Variants in ONECUT1 observed in about 807,000 individuals in gnomAD.
The protein encoded by ONECUT1 is hepatocyte nuclear factor 6.
In ONECUT1, 12 loss-of-function variants were observed where a neutral mutation model predicts 25.6. The ratio of observed to expected loss-of-function variants is 0.47; its 90% CI spans 0.30 to 0.76. The LOEUF is 0.76. ONECUT1 is among the 30% of genes least tolerant of loss of function. The pLI is 0.07. For missense variants in ONECUT1, 620 were observed against 651.2 expected (o/e 0.95, Z 0.52); for synonymous variants, 285 against 270.2 (o/e 1.05, Z -0.54).
chr15:52,788,621 G>A lies in ONECUT1; in HGVS notation c.1105+159C>T. On this transcript the variant is annotated intron_variant, in intron 1 of 1. Transcript: ENST00000305901. This position sits in a 1 kb window ranked among gnomAD's most constrained non-coding sequence, Gnocchi z 4.3. Reference sequence around the variant, plus strand: ...CTGGAGTAGGCAATTTGCTCCCACAGCCCTGTGCTGGCCCTTCCAGGCACA... The same window carrying A: ...CTGGAGTAGGCAATTTGCTCCCACAACCCTGTGCTGGCCCTTCCAGGCACA... 2.6e-6 allele frequency: 2 copies of A among 761,674 alleles called. No homozygotes were observed. Among genetic ancestry groups the A allele is most frequent in the Middle Eastern group, 7.7e-4 (2 of 2,592 alleles). 47.2% of individuals were successfully genotyped at this position (761,674 alleles called of 1,614,324 possible).
intron 1 of ONECUT1, among the ~76,000 whole-genome samples, chr15:52,766,130 C>T (rs1052714354): frequency 1.6e-4 from 24 of 152,176 alleles, no homozygotes; most frequent in Admixed American, 1.2e-3. Context: ...GAATAATCAC[C>T]GTAACTCACC....
At chr15:52,757,883 T>A in intron 1 of ONECUT1, 36 bp from the exon 2 acceptor site, 1 of 1,584,074 alleles carries the variant, frequency 6.3e-7, no homozygotes. Context: ...GAACAAATGG[T>A]CTAGGGGAGA....
intron 1 of ONECUT1, among the ~76,000 whole-genome samples, chr15:52,759,798 G>A (rs1364250765): frequency 2.0e-5 from 3 of 150,926 alleles, no homozygotes; most frequent in Non-Finnish European, 2.9e-5. Flanking sequence ...TTATAGAGAT[G>A]GGGTCTCACC....
In ONECUT1 at chr15:52,757,615, G is replaced by C. The variant is rs141094636; in HGVS notation, c.1338C>G (p.Asp446Glu). 2.5e-6 allele frequency: 4 copies of C among 1,614,022 alleles called. No individual in the cohort carries two copies. In the East Asian group the frequency reaches 8.9e-5, roughly 36 times the overall value. The change falls in exon 2 of 2, where the codon GAC (aspartate) becomes GAG (glutamate). Residue 446 changes from aspartate to glutamate, a missense_variant. Asp to Glu is a conservative substitution (Grantham distance 45, BLOSUM62 2). Around this residue, in one of 4 missense-constraint regions of ONECUT1, gnomAD observed 30 missense variants for 25.1 expected, o/e 1.20. Transcript: ENST00000305901. ...AGTTGCCTGAATTGGAGCTGCCCTC[G>C]TCCTGCCACTTGTCCAGACTCCTCC... is the stretch of plus-strand genomic sequence containing the variant. ...ARRRSLDKWQ[D>E]EGSSNSGNSS...
intron 1 of ONECUT1, among the ~76,000 whole-genome samples, chr15:52,773,415 G>A (rs1171473090): frequency 6.6e-6 from 1 of 152,178 alleles, no homozygotes. Context: ...ACATGAGCAC[G>A]TATATAAGCA....
At chr15:52,757,880 T>C in intron 1 of ONECUT1, 33 bp from the exon 2 acceptor site, 1 of 1,598,874 alleles carries the variant, frequency 6.3e-7, no homozygotes, top group Non-Finnish European at 8.5e-7. Flanking sequence ...TTAGAACAAA[T>C]GGTCTAGGGG....
At chr15:52,768,131 A>G (rs2083745912) in intron 1 of ONECUT1, among the ~76,000 whole-genome samples, 1 of 151,984 alleles carries the variant, frequency 6.6e-6, no homozygotes, top group African/African-American at 2.4e-5. Context: ...AGGTGGCACT[A>G]TAGGGTGACT....
chr15:52,758,198 A>C lies in ONECUT1; in HGVS notation c.1106-351T>G, dbSNP rs571885931. Among the ~76,000 whole-genome samples the C allele has an allele frequency of 2.0e-5, 3 of 152,346 alleles. No homozygotes were observed. In the East Asian group the frequency reaches 5.8e-4, roughly 29 times the overall value. On this transcript the variant is annotated intron_variant, in intron 1 of 1. Coordinates refer to ENST00000305901, the MANE Select transcript of ONECUT1 (RefSeq NM_004498.4). The stretch of plus-strand genomic sequence containing the variant: ...TTTGAACCTTTATTTCTTCATCCTC[A>C]AAATGCATATAAGAATACCTACCTT...
chr15:52,789,252 C>T lies in ONECUT1; in HGVS notation c.633G>A (p.Lys211=), dbSNP rs1340459843. The T allele has an allele frequency of 7.1e-6, 11 of 1,547,782 alleles. No individual in the cohort carries two copies. Among genetic ancestry groups the T allele is most frequent in the East Asian group, 4.5e-5 (2 of 44,274 alleles). The change falls in exon 1 of 2, where the codon AAG becomes AAA. Residue 211 remains lysine, a synonymous_variant. Transcript: ENST00000305901. This position sits in a 1 kb window ranked among gnomAD's most constrained non-coding sequence, Gnocchi z 4.1. ...CTTCGAAGCCGTTGGGGGTGAGCAT[C>T]TTGTCGGTGGGCATGGCGGCCCCCG... ...AHPGAAMPTD[K]MLTPNGFEAH...
At position 52,790,033 on chromosome 15, in the gene ONECUT1, C is replaced by T. The variant is rs1466891695; in HGVS notation, c.-149G>A. 7.9e-6 allele frequency: 10 copies of T among 1,257,914 alleles called. No homozygotes were observed. The Admixed American group carries it at 3.1e-4, about 39-fold the overall frequency. The allele number at this position is 1,257,914 out of a possible 1,614,324, so 77.9% of individuals were successfully genotyped here. ...TGGGGCTCTGTCTCTCTCTCTCTCT[C>T]TCTCCGTGTGTGTGTGTCCGTGTGT... On this transcript the variant is annotated 5_prime_UTR_variant, in exon 1 of 2. Transcript: ENST00000305901.
intron 1 of ONECUT1, among the ~76,000 whole-genome samples, chr15:52,776,791 C>T (rs981957201): frequency 1.1e-4 from 17 of 152,236 alleles, no homozygotes; most frequent in Non-Finnish European, 8.8e-5. Flanking sequence ...TGTACTCAGC[C>T]TAGTGCCTGG....
intron 1 of ONECUT1, among the ~76,000 whole-genome samples, chr15:52,765,396 C>T (rs992231111): frequency 6.6e-6 from 1 of 152,192 alleles, no homozygotes; most frequent in African/African-American, 2.4e-5. Flanking sequence ...TCACCCCTAC[C>T]TGCCACTGAG....
At chr15:52,786,619 C>A (rs2083876461) in intron 1 of ONECUT1, among the ~76,000 whole-genome samples, 1 of 152,248 alleles carries the variant, frequency 6.6e-6, no homozygotes, top group African/African-American at 2.4e-5. Flanking sequence ...CTCCAGCGTG[C>A]GGGTCCCAGC....
intron 1 of ONECUT1, among the ~76,000 whole-genome samples, chr15:52,777,753 G>A: frequency 8.8e-6 from 1 of 113,158 alleles, no homozygotes; most frequent in Non-Finnish European, 1.8e-5. Context: ...AACATGTAAA[G>A]TTATTTGTTC....
Position 52,788,752 on chromosome 15 carries a change from C to G in ONECUT1, c.1105+28G>C, listed in dbSNP as rs762680542. The G allele has an allele frequency of 1.3e-6, 2 of 1,586,392 alleles. No homozygotes were observed. Among genetic ancestry groups the G allele is most frequent in the East Asian group, 2.2e-5 (1 of 44,650 alleles). On this transcript the variant is annotated intron_variant, in intron 1 of 1. Transcript: ENST00000305901. The surrounding 1 kb of genome is among the most constrained non-coding windows in gnomAD (Gnocchi z 4.3). ...TTCGGCTTTCGTGTACCTTATCTCC[C>G]GCGCGCCCAGCTCCTTGGCCGGCTC...
chr15:52,757,541 T>G lies in ONECUT1; in HGVS notation c.*14A>C. On this transcript the variant is annotated 3_prime_UTR_variant, in exon 2 of 2. Transcript: ENST00000305901. Reference sequence around the variant, plus strand: ...AAAGCTTTTCCACCGAGGTTTTAGTTTGTGGTTCTTCCTTCATGCTTTGGT... The same window carrying G: ...AAAGCTTTTCCACCGAGGTTTTAGTGTGTGGTTCTTCCTTCATGCTTTGGT... 1 of 1,588,510 alleles carries G rather than the reference T, an allele frequency of 6.3e-7. No homozygotes were observed. The highest frequency in any genetic ancestry group is 1.2e-5 in the South Asian group (1 of 86,494).
intron 1 of ONECUT1, among the ~76,000 whole-genome samples, chr15:52,776,068 C>T (rs1326919448): frequency 6.6e-6 from 1 of 152,198 alleles, no homozygotes; most frequent in East Asian, 1.9e-4. Flanking sequence ...TGCCCACCAA[C>T]ACCGGGAAGT....
At chr15:52,785,779 A>G (rs891319917) in intron 1 of ONECUT1, 1 of 152,136 alleles carries the variant, frequency 6.6e-6, no homozygotes, top group Non-Finnish European at 1.5e-5. Context: ...GGGAACATAT[A>G]TTGATTTTTA....
In ONECUT1 at chr15:52,789,937, G is replaced by A. The variant is rs540152520; in HGVS notation, c.-53C>T. The A allele has an allele frequency of 7.5e-6, 11 of 1,470,418 alleles. No individual in the cohort carries two copies. In the South Asian group the frequency reaches 1.2e-4, roughly 16 times the overall value. 91.1% of individuals were successfully genotyped at this position (1,470,418 alleles called of 1,614,324 possible). A position where few individuals can be genotyped will look rare whatever the true frequency, so the allele number is the denominator to read the frequency against. ...ACAACATCGATGTGGCCAGGCAGAG[G>A]CGGCGAGGGGCGCACGGAGTCCGGT... On this transcript the variant is annotated 5_prime_UTR_variant, in exon 1 of 2. Transcript: ENST00000305901. The surrounding 1 kb of genome is among the most constrained non-coding windows in gnomAD (Gnocchi z 4.1).
Sources: allele counts gnomAD v4.1 joint callset (sites outside exome capture counted in the v4.1 genomes callset), GRCh38; gene constraint gnomAD v4.1.1; regional missense constraint gnomAD v4.1.1; non-coding constraint Gnocchi (gnomAD v3.1); transcripts MANE v1.5; gene names NCBI Gene and HGNC (gene_info 2026-07-23, HGNC 2026-07-21).